EML6: variants seen among roughly 807,000 people sequenced by gnomAD.
EML6 encodes the protein EMAP like 6.
Under a neutral mutation model 240.1 loss-of-function variants are expected in EML6, and 154 were observed. That is an observed-to-expected ratio of 0.64 (90% confidence interval 0.56 to 0.73). The LOEUF (loss-of-function observed/expected upper bound fraction) is 0.73. Among genes scored for constraint, EML6 ranks in the 30% least tolerant of loss-of-function variants. The pLI is 0.00. For synonymous variants in EML6, 1,148 were observed against 899.0 expected (o/e 1.28, Z -4.95); for missense variants, 2,964 against 2,474.6 (o/e 1.20, Z -4.20).
At position 54,916,941 on chromosome 2, in the gene EML6, A is replaced by G; in HGVS notation, c.3675+6A>G. 6.6e-7 allele frequency: 1 copy of G among 1,525,604 alleles called. No individual in the cohort carries two copies. Among genetic ancestry groups the G allele is most frequent in the African/African-American group, 1.4e-5 (1 of 72,756 alleles). 94.5% of individuals were successfully genotyped at this position (1,525,604 alleles called of 1,614,324 possible). On this transcript the variant is annotated splice_donor_region_variant and intron_variant, in intron 26 of 41. Coordinates refer to ENST00000356458, the MANE Select transcript of EML6 (RefSeq NM_001039753.4). ...TTTTTTCATATCCTGTCAAGGTAAT[A>G]TTGCGTGTTTATTATCTTTACTTGC...
intron 4 of EML6, 147 bp downstream of exon 4, chr2:54,817,032 A>G (rs1572945038): frequency 3.4e-6 from 2 of 587,310 alleles, no homozygotes; most frequent in East Asian, 2.8e-5. Context: ...TTTTTTCATG[A>G]TTAATAGCTA....
At chr2:54,951,905 T>G (rs1676000543) in intron 30 of EML6, among the ~76,000 whole-genome samples, 1 of 151,994 alleles carries the variant, frequency 6.6e-6, no homozygotes, top group Admixed American at 6.5e-5. Context: ...ACACCTTCCT[T>G]GTGTATCTAC....
In EML6 at chr2:54,964,660, G is replaced by T. The variant is rs1285317053; in HGVS notation, c.5420G>T (p.Arg1807Leu). 2 of 1,552,208 alleles carry T rather than the reference G, an allele frequency of 1.3e-6. No individual in the cohort carries two copies. The highest frequency in any genetic ancestry group is 2.0e-5 in the Admixed American group (1 of 50,998). The change falls in exon 38 of 42, where the codon CGC (arginine) becomes CTC (leucine). Residue 1807 changes from arginine (R) to leucine (L), a missense_variant. Arg to Leu is a moderately radical substitution (Grantham distance 102). Transcript: ENST00000356458. ...YDLTQGTNLN[R>L]IGYCKDIPSF... ...CTCACTCAGGGCACAAATCTGAACC[G>T]CATTGGCTACTGCAAAGATATCCCA...
intron 32 of EML6, among the ~76,000 whole-genome samples, chr2:54,957,551 C>T (rs1676287882): frequency 6.6e-6 from 1 of 152,158 alleles, no homozygotes; most frequent in Admixed American, 6.5e-5. Context: ...TCCTTTCTTG[C>T]TACGTTCATG....
intron 2 of EML6, among the ~76,000 whole-genome samples, chr2:54,806,954 C>G (rs940735862): frequency 1.3e-5 from 2 of 152,092 alleles, no homozygotes; most frequent in Non-Finnish European, 2.9e-5. Context: ...ACGGAACAAA[C>G]AGCTCTCCAG....
intron 28 of EML6, among the ~76,000 whole-genome samples, chr2:54,943,787 T>C (rs1675548227): frequency 6.6e-6 from 1 of 152,222 alleles, no homozygotes; most frequent in Non-Finnish European, 1.5e-5. Flanking sequence ...TATTAAAAAA[T>C]ATTTCAACAT....
intron 2 of EML6, among the ~76,000 whole-genome samples, chr2:54,764,263 CA>C (rs1469273230): frequency 6.6e-6 from 1 of 152,046 alleles, no homozygotes; most frequent in Non-Finnish European, 1.5e-5. Context: ...CAAACTGGCA[CA>C]AAGTAGACAT....
intron 21 of EML6, 119 bp downstream of exon 21, chr2:54,895,519 G>A: frequency 3.3e-6 from 3 of 902,388 alleles, no homozygotes; most frequent in Non-Finnish European, 5.1e-6. Context: ...TTGCACAAGA[G>A]TTGAACTAGT....
intron 11 of EML6, among the ~76,000 whole-genome samples, chr2:54,858,687 C>CA (rs1023713619): frequency 6.6e-6 from 1 of 152,260 alleles, no homozygotes; most frequent in African/African-American, 2.4e-5. Context: ...AGCATGCTCT[C>CA]AAAAAATGTA....
intron 24 of EML6, among the ~76,000 whole-genome samples, chr2:54,909,704 T>G (rs113137315): frequency 2.5e-3 from 387 of 151,828 alleles, no homozygotes; most frequent in African/African-American, 8.9e-3. Flanking sequence ...ATTAGCCAAG[T>G]GTGGTGGTGG....
chr2:54,925,811 T>G (rs1674514136), intron 26 of EML6, among the ~76,000 whole-genome samples: 1 of 152,170 alleles, frequency 6.6e-6, no homozygotes, highest in African/African-American at 2.4e-5. Flanking sequence ...TGCAGATTGC[T>G]TCCCATAGCC....
At chr2:54,826,217 C>T (rs762992730) in intron 5 of EML6, among the ~76,000 whole-genome samples, 4 of 152,188 alleles carry the variant, frequency 2.6e-5, no homozygotes, top group African/African-American at 4.8e-5. Context: ...GATGACCATC[C>T]TGTCTACCTT....
At position 54,823,092 on chromosome 2, in the gene EML6, C is replaced by T. The variant is rs140996522; in HGVS notation, c.525+2630C>T. Among the ~76,000 whole-genome samples the T allele has an allele frequency of 3.3e-5, 5 of 152,278 alleles. No individual in the cohort carries two copies. In the East Asian group the frequency reaches 7.7e-4, roughly 23 times the overall value. On this transcript the variant is annotated intron_variant, in intron 5 of 41. Coordinates refer to ENST00000356458, the MANE Select transcript of EML6 (RefSeq NM_001039753.4). Reference sequence around the variant, plus strand: ...ATTCAGTTTAATATTTGAGTTTGTACTAGGTGAAAGAAGAAAAACAGACGC... The same window carrying T: ...ATTCAGTTTAATATTTGAGTTTGTATTAGGTGAAAGAAGAAAAACAGACGC...
chr2:54,878,360 A>T (rs1402723368), intron 16 of EML6, among the ~76,000 whole-genome samples: 1 of 152,132 alleles, frequency 6.6e-6, no homozygotes, highest in Non-Finnish European at 1.5e-5. Flanking sequence ...AAGAGCCCTG[A>T]TATACTGATG....
In EML6 at chr2:54,869,278, C is replaced by G. The variant is rs1671132152; in HGVS notation, c.2149C>G (p.Gln717Glu). The G allele has an allele frequency of 3.2e-6, 5 of 1,551,666 alleles. No individual in the cohort carries two copies. Among genetic ancestry groups the G allele is most frequent in the Non-Finnish European group, 4.4e-6 (5 of 1,146,882 alleles). Reference protein sequence around the residue: ...AAVAVVYNRQQHSQRLYLGHD... With the variant: ...AAVAVVYNRQEHSQRLYLGHD... ...AGTTGCTGTCGTGTATAATCGGCAG[C>G]AGCACTCCCAGAGGCTGTACCTGGG... Residue 717 changes from glutamine (Q) to glutamate (E), a missense_variant, in exon 15 of 42, where the codon CAG becomes GAG. Physicochemically the swap from Gln to Glu is conservative, Grantham distance 29. Coordinates refer to ENST00000356458, the MANE Select transcript of EML6 (RefSeq NM_001039753.4).
chr2:54,914,010 A>G (rs757681184), intron 25 of EML6, among the ~76,000 whole-genome samples: 2 of 152,070 alleles, frequency 1.3e-5, no homozygotes, highest in Non-Finnish European at 2.9e-5. Flanking sequence ...CCATTGGCCT[A>G]TATGTCTTTT....
At chr2:54,742,943 C>G (rs900769637) in intron 2 of EML6, among the ~76,000 whole-genome samples, 1 of 152,102 alleles carries the variant, frequency 6.6e-6, no homozygotes, top group African/African-American at 2.4e-5. Flanking sequence ...TACCATCAGC[C>G]GATTGATATA....
chr2:54,799,550 G>A (rs1001990315), intron 2 of EML6, among the ~76,000 whole-genome samples: 21 of 152,008 alleles, frequency 1.4e-4, no homozygotes, highest in Admixed American at 9.8e-4. Flanking sequence ...TCACCATGTT[G>A]GCCAGGATGG....
At chr2:54,785,987 A>C (rs1327624895) in intron 2 of EML6, among the ~76,000 whole-genome samples, 2 of 151,934 alleles carry the variant, frequency 1.3e-5, no homozygotes, top group Non-Finnish European at 2.9e-5. Flanking sequence ...GGGCATGGTT[A>C]TGGCCAGGAG....
Sources: gnomAD v4.1 joint callset for allele counts (sites outside exome capture counted in the v4.1 genomes callset) on GRCh38, gnomAD v4.1.1 for gene constraint, MANE v1.5 for transcripts, NCBI Gene and HGNC (gene_info 2026-07-23, HGNC 2026-07-21) for gene names.